Variants in FAT3 observed in about 807,000 individuals in gnomAD.
FAT3 encodes FAT atypical cadherin 3.
In FAT3, 95 loss-of-function variants were observed where a neutral mutation model predicts 310.2. The observed-to-expected ratio is 0.31, with a 90% CI of 0.26 to 0.36. FAT3 has a LOEUF of 0.36. Among genes scored for constraint, FAT3 ranks in the 10% least tolerant of loss-of-function variants. FAT3 has a pLI of 1.00. For synonymous variants in FAT3, 2,314 were observed against 2,192.9 expected (o/e 1.06, Z -1.54); for missense variants, 5,408 against 5,715.6 (o/e 0.95, Z 1.74).
chr11:92,409,786 CTTG>C (rs1950213270), intron 2 of FAT3, among the ~76,000 whole-genome samples: 1 of 152,058 alleles, frequency 6.6e-6, no homozygotes. Context: ...AGAGTTGTTT[CTTG>C]TTGTTCCTAG....
At chr11:92,663,037 C>T (rs1671274100) in intron 3 of FAT3, among the ~76,000 whole-genome samples, 3 of 152,126 alleles carry the variant, frequency 2.0e-5, no homozygotes, top group Admixed American at 2.0e-4. Context: ...GGCTGGAAGA[C>T]ATAAGACCAT....
chr11:92,673,978 C>T (rs1029397770), intron 3 of FAT3, among the ~76,000 whole-genome samples: 3 of 151,962 alleles, frequency 2.0e-5, no homozygotes, highest in South Asian at 4.2e-4. Flanking sequence ...GTCAGGAGTT[C>T]GAGACCAGCC....
chr11:92,507,561 T>C (rs571013657), intron 2 of FAT3, among the ~76,000 whole-genome samples: 15 of 151,942 alleles, frequency 9.9e-5, no homozygotes, highest in Admixed American at 7.9e-4. Context: ...TGTATATATA[T>C]ACACACACAT....
intron 2 of FAT3, among the ~76,000 whole-genome samples, chr11:92,465,197 C>T (rs645398): frequency 0.73 from 110,507 of 152,106 alleles, 41,768 homozygotes; most frequent in East Asian, 0.87. Flanking sequence ...TTATTTTTCC[C>T]GTACATGTGA....
intron 3 of FAT3, among the ~76,000 whole-genome samples, chr11:92,643,906 T>C (rs1211407121): frequency 2.0e-5 from 3 of 152,270 alleles, no homozygotes; most frequent in African/African-American, 7.2e-5. Flanking sequence ...TCATGTGATT[T>C]ATCACACTAA....
Position 92,352,394 on chromosome 11 carries a change from A to T in FAT3, c.282A>T (p.Ala94=). ...GAGACGAGGAAGGCTTTTTCAAAGC[A>T]GAGGAAGTCATCATTGCAGATTTCT... ...VSGDEEGFFK[A]EEVIIADFCF... The change falls in exon 2 of 28, where the codon GCA becomes GCT. Residue 94 remains alanine (A), a synonymous_variant. Transcript: ENST00000525166. The T allele has an allele frequency of 1.2e-6, 2 of 1,610,860 alleles. No homozygotes were observed. Among genetic ancestry groups the T allele is most frequent in the Non-Finnish European group, 1.7e-6 (2 of 1,178,422 alleles).
At chr11:92,526,806 G>T (rs1196103255) in intron 3 of FAT3, among the ~76,000 whole-genome samples, 18 of 152,008 alleles carry the variant, frequency 1.2e-4, no homozygotes, top group Non-Finnish European at 2.6e-4. Flanking sequence ...AAGCATTTTT[G>T]CCAGGAATGA....
intron 7 of FAT3, 100 bp from the exon 8 acceptor site, chr11:92,789,843 C>A: frequency 1.6e-6 from 2 of 1,251,812 alleles, no homozygotes; most frequent in Non-Finnish European, 1.1e-6. Flanking sequence ...AAGCTAGGAT[C>A]CAAGGACGGG....
intron 3 of FAT3, among the ~76,000 whole-genome samples, chr11:92,559,176 A>C (rs934506747): frequency 1.3e-5 from 2 of 152,032 alleles, no homozygotes; most frequent in African/African-American, 4.8e-5. Context: ...CATACCATAC[A>C]ATTCACCTAT....
chr11:92,506,934 T>C (rs919896866), intron 2 of FAT3, among the ~76,000 whole-genome samples: 2 of 152,204 alleles, frequency 1.3e-5, no homozygotes, highest in Non-Finnish European at 2.9e-5. Flanking sequence ...AAAAACAGCC[T>C]TCTCTTTTCT....
intron 19 of FAT3, among the ~76,000 whole-genome samples, chr11:92,847,024 T>C (rs1948699072): frequency 6.6e-6 from 1 of 152,212 alleles, no homozygotes; most frequent in Admixed American, 6.5e-5. Flanking sequence ...GAGAGTAGCA[T>C]ACTGATTCAA....
intron 13 of FAT3, among the ~76,000 whole-genome samples, chr11:92,824,158 A>T (rs1353444876): frequency 6.6e-6 from 1 of 152,126 alleles, no homozygotes; most frequent in Admixed American, 6.6e-5. Flanking sequence ...GGAGTTTGAG[A>T]CCAGCCTGGC....
At chr11:92,321,417 AC>A (rs1263970653) in intron 1 of FAT3, among the ~76,000 whole-genome samples, 1 of 151,580 alleles carries the variant, frequency 6.6e-6, no homozygotes, top group African/African-American at 2.4e-5. Context: ...AGCCTGAGCA[AC>A]AGGGCGAGAC....
intron 19 of FAT3, among the ~76,000 whole-genome samples, chr11:92,852,159 T>C (rs536661237): frequency 6.6e-6 from 1 of 152,318 alleles, no homozygotes; most frequent in African/African-American, 2.4e-5. Context: ...AGGGTTGGCA[T>C]ACAAAGGTTA....
At position 92,355,359 on chromosome 11, in the gene FAT3, A is replaced by G; in HGVS notation, c.3247A>G (p.Arg1083Gly). Residue 1083 changes from arginine (R) to glycine (G), a missense_variant, in exon 2 of 28, where the codon AGG (arginine) becomes GGG (glycine). Physicochemically the swap from Arg to Gly is moderately radical, Grantham distance 125. Coordinates refer to ENST00000525166, the MANE Select transcript of FAT3 (RefSeq NM_001367949.2). ...GRDGEIQYSI[R>G]DGSGLGRFSI... ...GGATGGAGAGATCCAGTACTCCATCAGGGATGGCAGTGGTCTTGGAAGGTT... is the reference window on the plus strand; with the variant it reads ...GGATGGAGAGATCCAGTACTCCATCGGGGATGGCAGTGGTCTTGGAAGGTT... 3 of 1,613,820 alleles carry G rather than the reference A, an allele frequency of 1.9e-6. No individual in the cohort carries two copies. The highest frequency in any genetic ancestry group is 1.7e-4 in the Middle Eastern group (1 of 6,058).
chr11:92,871,250 T>C (rs1419618745), intron 22 of FAT3, among the ~76,000 whole-genome samples: 2 of 152,188 alleles, frequency 1.3e-5, no homozygotes, highest in African/African-American at 4.8e-5. Context: ...AACCAAAAAA[T>C]ATTTAAAAAG....
chr11:92,532,347 T>A (rs1195786050), intron 3 of FAT3, among the ~76,000 whole-genome samples: 1 of 152,212 alleles, frequency 6.6e-6, no homozygotes, highest in Non-Finnish European at 1.5e-5. Context: ...TACACAGTTT[T>A]CCCTTGGCTT....
intron 2 of FAT3, among the ~76,000 whole-genome samples, chr11:92,458,390 A>G (rs927918922): frequency 6.6e-6 from 1 of 152,160 alleles, no homozygotes; most frequent in Non-Finnish European, 1.5e-5. Flanking sequence ...ATATAGTTAC[A>G]CTTTCCATGG....
chr11:92,493,358 C>T (rs543481814), intron 2 of FAT3, among the ~76,000 whole-genome samples: 1 of 152,194 alleles, frequency 6.6e-6, no homozygotes, highest in East Asian at 1.9e-4. Flanking sequence ...GACACTGGCT[C>T]CTTACTGGTG....
Sources: allele counts gnomAD v4.1 joint callset (sites outside exome capture counted in the v4.1 genomes callset), GRCh38; gene constraint gnomAD v4.1.1; transcripts MANE v1.5; gene names NCBI Gene and HGNC (gene_info 2026-07-23, HGNC 2026-07-21).